The following PARM1 variants were observed in gnomAD, a reference collection of about 807,000 sequenced individuals.
PARM1 encodes the protein prostate androgen-regulated mucin-like protein 1.
In PARM1, 14 loss-of-function variants were observed where a neutral mutation model predicts 24.6. The observed-to-expected ratio is 0.57, with a 90% CI of 0.38 to 0.89. The LOEUF is 0.89. Among genes scored for constraint, PARM1 ranks in the 40% least tolerant of loss-of-function variants. The probability of loss-of-function intolerance (pLI) is 0.00; values close to 1 mark genes in which losing one functional copy is unlikely to be tolerated. For synonymous variants in PARM1, 179 were observed against 156.6 expected, an observed-to-expected ratio of 1.14 and a Z score of -1.07; for missense variants, 362 against 380.4, an observed-to-expected ratio of 0.95 and a Z score of 0.40.
At chr4:74,937,387 GTGGA>G (rs1395258261) in intron 1 of PARM1, among the ~76,000 whole-genome samples, 9 of 152,156 alleles carry the variant, frequency 5.9e-5, no homozygotes, top group Non-Finnish European at 1.2e-4. Flanking sequence ...ACCTGAGAAG[GTGGA>G]TGAACACTCT....
intron 1 of PARM1, among the ~76,000 whole-genome samples, chr4:74,943,707 G>A (rs1721356566): frequency 6.6e-6 from 1 of 152,132 alleles, no homozygotes; most frequent in Non-Finnish European, 1.5e-5. Flanking sequence ...AGCTCAGCTA[G>A]GGAAGATAAA....
intron 2 of PARM1, among the ~76,000 whole-genome samples, chr4:75,020,226 T>A (rs1410954559): frequency 6.6e-6 from 1 of 152,056 alleles, no homozygotes; most frequent in Non-Finnish European, 1.5e-5. Context: ...CCAGAATGTA[T>A]CAGAAAGCAA....
intron 1 of PARM1, among the ~76,000 whole-genome samples, chr4:74,949,420 G>A (rs535215118): frequency 1.3e-5 from 2 of 152,144 alleles, no homozygotes; most frequent in South Asian, 4.2e-4. Context: ...CCAGTTTCAC[G>A]CCATCCTCCT....
chr4:75,005,856 T>C (rs1194724697), intron 1 of PARM1, among the ~76,000 whole-genome samples: 1 of 152,202 alleles, frequency 6.6e-6, no homozygotes, highest in Non-Finnish European at 1.5e-5. Flanking sequence ...GAATTCCAGA[T>C]TGAACTGGTT....
chr4:75,043,232 G>A (rs1443734704), intron 3 of PARM1, among the ~76,000 whole-genome samples: 1 of 152,176 alleles, frequency 6.6e-6, no homozygotes, highest in Admixed American at 6.5e-5. Flanking sequence ...CCAGTGGGAG[G>A]AGGTTCACTT....
chr4:74,971,738 A>G (rs1560779761), intron 1 of PARM1, among the ~76,000 whole-genome samples: 1 of 152,178 alleles, frequency 6.6e-6, no homozygotes, highest in Non-Finnish European at 1.5e-5. Flanking sequence ...ACACTCCATC[A>G]CCTACTTGCA....
chr4:74,985,542 A>G (rs1722334676), intron 1 of PARM1, among the ~76,000 whole-genome samples: 1 of 152,136 alleles, frequency 6.6e-6, no homozygotes, highest in Non-Finnish European at 1.5e-5. Flanking sequence ...GGAAGTAACA[A>G]AGCAACTTGC....
At chr4:75,002,110 G>A (rs1722693196) in intron 1 of PARM1, among the ~76,000 whole-genome samples, 1 of 152,220 alleles carries the variant, frequency 6.6e-6, no homozygotes, top group African/African-American at 2.4e-5. Context: ...GGGGAACAAG[G>A]AGTCATGGAT....
At chr4:74,978,825 T>G (rs1046373544) in intron 1 of PARM1, among the ~76,000 whole-genome samples, 17 of 151,976 alleles carry the variant, frequency 1.1e-4, no homozygotes, top group Non-Finnish European at 2.2e-4. Context: ...CCACACAATT[T>G]CATCAAAATT....
intron 1 of PARM1, among the ~76,000 whole-genome samples, chr4:75,007,876 CAGAT>C (rs1378252940): frequency 2.6e-5 from 4 of 152,210 alleles, no homozygotes; most frequent in African/African-American, 4.8e-5. Context: ...CGTGAGGACA[CAGAT>C]AGAAGGCGAT....
In PARM1 at chr4:74,936,438, G is replaced by GTT. The variant is rs33956924; in HGVS notation, c.43+3077_43+3078dup. 4.0e-3 allele frequency among the ~76,000 whole-genome samples: 126 copies of GTT among 31,846 alleles called. 1 individual carries two copies. Among genetic ancestry groups the GTT allele is most frequent in the African/African-American group, 0.011 (108 of 9,704 alleles). 20.9% of individuals were successfully genotyped at this position (31,846 alleles called of 152,430 possible). ...GCCACCATGGTTGTTACATTCAAGTGTTTTTTTTTTGTTTGTTTTTTTGTT... is the reference window on the plus strand; with the variant it reads ...GCCACCATGGTTGTTACATTCAAGTGTTTTTTTTTTTTGTTTGTTTTTTTGTT... On this transcript the variant is annotated intron_variant, in intron 1 of 3. Transcript: ENST00000307428.
At chr4:75,014,120 G>T (rs1722932822) in intron 2 of PARM1, among the ~76,000 whole-genome samples, 1 of 152,156 alleles carries the variant, frequency 6.6e-6, no homozygotes, top group Admixed American at 6.5e-5. Flanking sequence ...ATGGTCAGTT[G>T]GGGTCAAAGG....
chr4:75,033,899 T>C lies in PARM1; in HGVS notation c.786T>C (p.Ile262=). The C allele has an allele frequency of 6.2e-7, 1 of 1,603,132 alleles. No homozygotes were observed. ...HALSSGSIAA[I]TVTVIAVVLL... Reference sequence around the variant, plus strand: ...CCTTCACAGGCAGCATCGCCGCCATTACCGTGACAGTCATTGCCGTGGTGC... The same window carrying C: ...CCTTCACAGGCAGCATCGCCGCCATCACCGTGACAGTCATTGCCGTGGTGC... Residue 262 remains isoleucine, a synonymous_variant, in exon 3 of 4, where the codon ATT becomes ATC. Coordinates refer to ENST00000307428, the MANE Select transcript of PARM1 (RefSeq NM_015393.4).
At chr4:75,015,631 C>G (rs1722970970) in intron 2 of PARM1, among the ~76,000 whole-genome samples, 1 of 152,188 alleles carries the variant, frequency 6.6e-6, no homozygotes, top group Non-Finnish European at 1.5e-5. Flanking sequence ...AATATCAGTA[C>G]TTAGTTTCTA....
At chr4:74,950,522 T>A (rs1159775068) in intron 1 of PARM1, among the ~76,000 whole-genome samples, 1 of 152,218 alleles carries the variant, frequency 6.6e-6, no homozygotes, top group Non-Finnish European at 1.5e-5. Context: ...TGATTATATC[T>A]GCAAAGAGCT....
intron 1 of PARM1, chr4:74,957,042 C>T (rs1378779440): frequency 6.6e-6 from 1 of 152,236 alleles, no homozygotes; most frequent in African/African-American, 2.4e-5. Context: ...TGGAGGCCCA[C>T]CTCCCTGCTT....
At position 75,043,394 on chromosome 4, in the gene PARM1, C is replaced by G. The variant is rs187341502; in HGVS notation, c.849-2769C>G. Among the ~76,000 whole-genome samples, 7 of 152,252 alleles carry G rather than the reference C, an allele frequency of 4.6e-5. No individual in the cohort carries two copies. The East Asian group carries it at 9.6e-4, about 21-fold the overall frequency. The stretch of plus-strand genomic sequence containing the variant: ...TATATTCATTACCTTATTTAATCCT[C>G]CTAACAACCATAAAGCAATTTTTTT... On this transcript the variant is annotated intron_variant, in intron 3 of 3. Coordinates refer to ENST00000307428, the MANE Select transcript of PARM1 (RefSeq NM_015393.4).
At chr4:75,025,140 C>T (rs1195722000) in intron 2 of PARM1, among the ~76,000 whole-genome samples, 2 of 152,224 alleles carry the variant, frequency 1.3e-5, no homozygotes, top group Admixed American at 6.5e-5. Context: ...CTGAGCAAGA[C>T]GGTGGCATGC....
At chr4:74,947,494 T>A (rs76933536) in intron 1 of PARM1, among the ~76,000 whole-genome samples, 6,253 of 152,244 alleles carry the variant, frequency 0.041, 415 homozygotes, top group African/African-American at 0.14. Context: ...AAAACTGCAA[T>A]AATAAATGAT....
Sources: allele counts gnomAD v4.1 joint callset (sites outside exome capture counted in the v4.1 genomes callset), GRCh38; gene constraint gnomAD v4.1.1; transcripts MANE v1.5; gene names NCBI Gene and HGNC (gene_info 2026-07-23, HGNC 2026-07-21).